The following RBFOX1 variants were observed in gnomAD, a reference collection of about 807,000 sequenced individuals.
RBFOX1 encodes RNA binding protein fox-1 homolog 1.
Under a neutral mutation model 57.7 loss-of-function variants are expected in RBFOX1, and 8 were observed. The observed-to-expected ratio is 0.14, with a 90% CI of 0.08 to 0.25. The LOEUF is 0.25. Ranked by LOEUF, RBFOX1 falls within the 10% of genes least tolerant of loss-of-function variation. The probability of loss-of-function intolerance (pLI) is 1.00; values close to 1 mark genes in which losing one functional copy is unlikely to be tolerated. For synonymous variants in RBFOX1, 326 were observed against 222.4 expected, an observed-to-expected ratio of 1.47 and a Z score of -4.15; for missense variants, 611 against 548.5, an observed-to-expected ratio of 1.11 and a Z score of -1.14.
chr16:6,565,806 A>T (rs1386625432), intron 2 of RBFOX1, among the ~76,000 whole-genome samples: 2 of 152,194 alleles, frequency 1.3e-5, no homozygotes, highest in African/African-American at 4.8e-5. Flanking sequence ...TCACCTGATG[A>T]AAAAAAGAGC....
intron 4 of RBFOX1, chr16:7,423,148 G>C (rs1280505527): frequency 6.6e-6 from 1 of 151,726 alleles, no homozygotes; most frequent in African/African-American, 2.4e-5. Flanking sequence ...TATGGGTCCA[G>C]TGGTGTTGGA....
intron 3 of RBFOX1, among the ~76,000 whole-genome samples, chr16:7,016,558 T>C (rs1257353114): frequency 6.6e-6 from 1 of 152,186 alleles, no homozygotes; most frequent in Admixed American, 6.5e-5. Flanking sequence ...GCGTTTTGCA[T>C]ATATCATCTC....
chr16:7,696,944 C>T (rs981054234), intron 14 of RBFOX1, among the ~76,000 whole-genome samples: 2 of 151,918 alleles, frequency 1.3e-5, no homozygotes, highest in East Asian at 3.9e-4. Context: ...CCAGTGTGGC[C>T]CACGGATATG....
chr16:6,539,703 C>T (rs1357712696), intron 2 of RBFOX1, among the ~76,000 whole-genome samples: 4 of 151,962 alleles, frequency 2.6e-5, no homozygotes, highest in Non-Finnish European at 5.9e-5. Context: ...GAGGCTGAGG[C>T]AGGAGAATTG....
At chr16:6,499,382 AAAAAG>A (rs1226090686) in intron 2 of RBFOX1, among the ~76,000 whole-genome samples, 1 of 152,180 alleles carries the variant, frequency 6.6e-6, no homozygotes, top group Non-Finnish European at 1.5e-5. Flanking sequence ...TGTGTAAAAA[AAAAAG>A]GTATGAAAAA....
At chr16:5,380,189 C>A (rs192169341) in intron 1 of RBFOX1, among the ~76,000 whole-genome samples, 1 of 152,232 alleles carries the variant, frequency 6.6e-6, no homozygotes, top group Non-Finnish European at 1.5e-5. Flanking sequence ...GGCTCCACTT[C>A]CTGGCTGCTC....
At chr16:6,781,268 A>G (rs527727128) in intron 3 of RBFOX1, among the ~76,000 whole-genome samples, 1 of 152,240 alleles carries the variant, frequency 6.6e-6, no homozygotes, top group East Asian at 1.9e-4. Context: ...CTTTTATCGC[A>G]GGAATGATTC....
intron 4 of RBFOX1, among the ~76,000 whole-genome samples, chr16:7,175,568 G>C (rs1044145365): frequency 6.6e-6 from 1 of 152,092 alleles, no homozygotes; most frequent in Admixed American, 6.6e-5. Context: ...AGGGCTCATA[G>C]GCAAAGGATC....
intron 4 of RBFOX1, among the ~76,000 whole-genome samples, chr16:7,299,454 G>C (rs1469724664): frequency 6.6e-6 from 1 of 152,142 alleles, no homozygotes; most frequent in East Asian, 1.9e-4. Flanking sequence ...AGGAGTTTGA[G>C]GGTCCTTTAC....
chr16:6,496,479 G>T (rs557827895), intron 2 of RBFOX1, among the ~76,000 whole-genome samples: 4 of 152,224 alleles, frequency 2.6e-5, no homozygotes, highest in African/African-American at 9.6e-5. Flanking sequence ...TTGTGGTCTT[G>T]CTCATACAGA....
intron 4 of RBFOX1, among the ~76,000 whole-genome samples, chr16:7,388,588 A>C (rs2148331927): frequency 6.6e-6 from 1 of 151,740 alleles, no homozygotes; most frequent in East Asian, 1.9e-4. Flanking sequence ...TCTAGGGAGG[A>C]CAACATGAGA....
At chr16:7,671,667 A>G in intron 13 of RBFOX1, 1 of 1,398,906 alleles carries the variant, frequency 7.1e-7, no homozygotes, top group Non-Finnish European at 1.0e-6. Flanking sequence ...ATCCTTACTA[A>G]CAAGATAATT....
intron 4 of RBFOX1, among the ~76,000 whole-genome samples, chr16:7,307,611 T>G (rs552145867): frequency 2.2e-4 from 34 of 152,344 alleles, no homozygotes; most frequent in Non-Finnish European, 4.1e-4. Flanking sequence ...TCCTCTTTTT[T>G]CCTCCACATC....
In RBFOX1 at chr16:7,653,988, C is replaced by T. The variant is rs368832967; in HGVS notation, c.890+41C>T. On this transcript the variant is annotated intron_variant, in intron 12 of 15. Transcript: ENST00000550418. ...TCCTGGGTGGGCCTCCCTGCACCAG[C>T]CCTCCCTCCCCAGAGGCACGGAGCT... 3.6e-3 allele frequency: 5,162 copies of T among 1,450,666 alleles called. 16 individuals carry two copies. Among genetic ancestry groups the T allele is most frequent in the Middle Eastern group, 5.2e-3 (21 of 4,002 alleles). 89.9% of individuals were successfully genotyped at this position (1,450,666 alleles called of 1,614,324 possible). A position where few individuals can be genotyped will look rare whatever the true frequency, so the allele number is the denominator to read the frequency against.
At chr16:7,003,980 A>C (rs976066069) in intron 3 of RBFOX1, 10 of 146,096 alleles carry the variant, frequency 6.8e-5, no homozygotes, top group African/African-American at 2.5e-4. Context: ...CCAGGGTAGA[A>C]ATGAGGGGTT....
intron 3 of RBFOX1, among the ~76,000 whole-genome samples, chr16:6,800,110 G>T (rs2085031136): frequency 6.6e-6 from 1 of 152,126 alleles, no homozygotes; most frequent in Non-Finnish European, 1.5e-5. Flanking sequence ...ATTGTCTTAT[G>T]CAGATGTATT....
chr16:6,966,491 C>T (rs751123724), intron 3 of RBFOX1, among the ~76,000 whole-genome samples: 1 of 151,982 alleles, frequency 6.6e-6, no homozygotes, highest in African/African-American at 2.4e-5. Context: ...ATCACAGTAG[C>T]TTATTAGGTG....
intron 3 of RBFOX1, among the ~76,000 whole-genome samples, chr16:5,668,274 C>G (rs1341703267): frequency 1.3e-5 from 2 of 152,046 alleles, no homozygotes; most frequent in African/African-American, 4.8e-5. Context: ...GAGCGAGACT[C>G]CATCTCAAAA....
At chr16:7,095,171 C>G (rs1297135872) in intron 4 of RBFOX1, among the ~76,000 whole-genome samples, 2 of 152,138 alleles carry the variant, frequency 1.3e-5, no homozygotes, top group Non-Finnish European at 2.9e-5. Flanking sequence ...GAGTTTCACT[C>G]TGTCGCCCAC....
Sources: allele counts gnomAD v4.1 joint callset (sites outside exome capture counted in the v4.1 genomes callset), GRCh38; gene constraint gnomAD v4.1.1; transcripts MANE v1.5; gene names NCBI Gene and HGNC (gene_info 2026-07-23, HGNC 2026-07-21).